Variants in CAMTA1 observed in about 807,000 individuals in gnomAD.
CAMTA1 encodes calmodulin-binding transcription activator 1.
CAMTA1 carries 27 observed loss-of-function variants against 170.9 expected under a neutral mutation model. The observed-to-expected ratio is 0.16, with a 90% CI of 0.12 to 0.22. The LOEUF is 0.22. Ranked by LOEUF, CAMTA1 falls within the 10% of genes least tolerant of loss-of-function variation. The pLI is 1.00. For missense variants in CAMTA1, 1,619 were observed against 2,217.2 expected, an observed-to-expected ratio of 0.73 and a Z score of 5.42; for synonymous variants, 833 against 891.5, an observed-to-expected ratio of 0.93 and a Z score of 1.17.
intron 4 of CAMTA1, among the ~76,000 whole-genome samples, chr1:7,181,201 C>G (rs1241592866): frequency 2.0e-5 from 3 of 152,118 alleles, no homozygotes; most frequent in Non-Finnish European, 4.4e-5. Flanking sequence ...AATATGCATT[C>G]CTGATATATC....
At chr1:7,703,496 T>C (rs1163817083) in intron 11 of CAMTA1, among the ~76,000 whole-genome samples, 1 of 152,068 alleles carries the variant, frequency 6.6e-6, no homozygotes, top group Non-Finnish European at 1.5e-5. Context: ...TTGGTCAGGG[T>C]GTCCTTCACG....
chr1:6,837,226 G>T (rs1444172240), intron 3 of CAMTA1, among the ~76,000 whole-genome samples: 1 of 152,138 alleles, frequency 6.6e-6, no homozygotes, highest in African/African-American at 2.4e-5. Context: ...AAAGTGCTGG[G>T]ATTACAGGCG....
intron 3 of CAMTA1, among the ~76,000 whole-genome samples, chr1:6,922,880 C>G (rs919873151): frequency 6.6e-6 from 1 of 152,156 alleles, no homozygotes; most frequent in South Asian, 2.1e-4. Flanking sequence ...TGGAACACAC[C>G]CCCTTCCGTT....
chr1:6,799,897 T>C (rs925426774), intron 1 of CAMTA1, among the ~76,000 whole-genome samples: 1 of 152,088 alleles, frequency 6.6e-6, no homozygotes, highest in African/African-American at 2.4e-5. Flanking sequence ...AAGTCGGAGA[T>C]ATGGAATTTC....
At chr1:7,345,481 G>A (rs1434357109) in intron 5 of CAMTA1, among the ~76,000 whole-genome samples, 1 of 152,228 alleles carries the variant, frequency 6.6e-6, no homozygotes, top group Non-Finnish European at 1.5e-5. Flanking sequence ...CAGCCATGGT[G>A]GGCCCATCCT....
Position 7,325,219 on chromosome 1 carries a change from C to G in CAMTA1, c.438+75593C>G, listed in dbSNP as rs1232895771. ...GACATTCTAGCTGGGGTGACAGATT[C>G]TAAACAATAAACATCCACGAGGAAA... On this transcript the variant is annotated intron_variant, in intron 5 of 22. Coordinates refer to ENST00000303635, the MANE Select transcript of CAMTA1 (RefSeq NM_015215.4). This position sits in a 1 kb window ranked among gnomAD's most constrained non-coding sequence, Gnocchi z 5.0. 1.3e-5 allele frequency among the ~76,000 whole-genome samples: 2 copies of G among 152,130 alleles called. No homozygotes were observed. Among genetic ancestry groups the G allele is most frequent in the African/African-American group, 4.8e-5 (2 of 41,418 alleles).
chr1:7,245,617 T>C (rs1158640943), intron 4 of CAMTA1, among the ~76,000 whole-genome samples: 4 of 152,154 alleles, frequency 2.6e-5, no homozygotes, highest in African/African-American at 9.7e-5. Flanking sequence ...TATTAGTCTC[T>C]TAGATAAAAG....
At chr1:7,458,879 C>G (rs2093020463) in intron 5 of CAMTA1, among the ~76,000 whole-genome samples, 1 of 152,244 alleles carries the variant, frequency 6.6e-6, no homozygotes, top group African/African-American at 2.4e-5. Flanking sequence ...GAGGCTGAAT[C>G]AGACTGCAAT....
intron 3 of CAMTA1, among the ~76,000 whole-genome samples, chr1:6,880,847 G>A (rs1030686113): frequency 1.3e-5 from 2 of 152,258 alleles, no homozygotes; most frequent in East Asian, 3.9e-4. Context: ...TGTCCTAGGT[G>A]TATCTAGAAT....
chr1:7,708,270 G>A (rs1377136823), intron 11 of CAMTA1, among the ~76,000 whole-genome samples: 1 of 152,206 alleles, frequency 6.6e-6, no homozygotes, highest in Non-Finnish European at 1.5e-5. Flanking sequence ...GGTGGAGGTT[G>A]CAGTGAGCTG....
At chr1:7,132,777 A>G (rs912754181) in intron 4 of CAMTA1, among the ~76,000 whole-genome samples, 1 of 152,218 alleles carries the variant, frequency 6.6e-6, no homozygotes, top group Non-Finnish European at 1.5e-5. Context: ...CAGCTAGACT[A>G]AAAACCTTAC....
chr1:6,831,226 A>C (rs1650009728), intron 3 of CAMTA1, among the ~76,000 whole-genome samples: 1 of 152,204 alleles, frequency 6.6e-6, no homozygotes, highest in South Asian at 2.1e-4. Context: ...ATTAAGCCTG[A>C]CTTTTATATT....
intron 3 of CAMTA1, among the ~76,000 whole-genome samples, chr1:7,003,281 C>G (rs888866763): frequency 6.6e-6 from 1 of 152,210 alleles, no homozygotes; most frequent in Non-Finnish European, 1.5e-5. Context: ...CCACCACTAC[C>G]GCAGTTTCTG....
intron 5 of CAMTA1, among the ~76,000 whole-genome samples, chr1:7,379,461 C>T (rs575530166): frequency 1.9e-3 from 294 of 152,272 alleles, no homozygotes; most frequent in Non-Finnish European, 3.3e-3. Context: ...TCATTTCCTT[C>T]GGGAAGTTTC....
rs368962896 is a variant in CAMTA1 at position 7,439,607 on chromosome 1, C to T, written c.439-28223C>T. ...AACAGGCTCAAGCCTGCGCATGGTA[C>T]GGCCACCGTCCTACATAGGTCCTGG... On this transcript the variant is annotated intron_variant, in intron 5 of 22. Coordinates refer to ENST00000303635, the MANE Select transcript of CAMTA1 (RefSeq NM_015215.4). Among the ~76,000 whole-genome samples, 56 of 152,314 alleles carry T rather than the reference C, an allele frequency of 3.7e-4. 1 individual carries two copies. The Middle Eastern group carries it at 0.01, about 28-fold the overall frequency.
At chr1:6,964,312 C>T (rs935121366) in intron 3 of CAMTA1, among the ~76,000 whole-genome samples, 6 of 150,808 alleles carry the variant, frequency 4.0e-5, no homozygotes, top group African/African-American at 1.2e-4. Flanking sequence ...GCAGTGTCCT[C>T]GGTGCCCCCG....
chr1:6,962,800 G>A (rs1313407497), intron 3 of CAMTA1, among the ~76,000 whole-genome samples: 1 of 142,744 alleles, frequency 7.0e-6, no homozygotes, highest in African/African-American at 2.7e-5. Flanking sequence ...TTTTGGGCCC[G>A]CACCCATCTG....
chr1:7,306,804 G>C (rs1211438676), intron 5 of CAMTA1, among the ~76,000 whole-genome samples: 1 of 151,696 alleles, frequency 6.6e-6, no homozygotes, highest in African/African-American at 2.4e-5. Context: ...CAGATTCTAC[G>C]TTGGTGGATT....
chr1:7,425,113 A>G (rs2091804826), intron 5 of CAMTA1, among the ~76,000 whole-genome samples: 1 of 152,166 alleles, frequency 6.6e-6, no homozygotes, highest in Non-Finnish European at 1.5e-5. Context: ...GTCCCCATAA[A>G]CAAAGTGTAC....
Sources: gnomAD v4.1 joint callset for allele counts (sites outside exome capture counted in the v4.1 genomes callset) on GRCh38, gnomAD v4.1.1 for gene constraint, Gnocchi (gnomAD v3.1) non-coding constraint, MANE v1.5 for transcripts, NCBI Gene and HGNC (gene_info 2026-07-23, HGNC 2026-07-21) for gene names.